Variants in CELSR1 observed in about 807,000 individuals in gnomAD.
CELSR1 encodes cadherin EGF LAG seven-pass G-type receptor 1.
CELSR1 carries 110 observed loss-of-function variants against 249.1 expected under a neutral mutation model. The observed-to-expected ratio is 0.44, with a 90% CI of 0.38 to 0.52. The LOEUF (loss-of-function observed/expected upper bound fraction) is 0.52, where lower values mean the gene tolerates loss of function less well. CELSR1 is among the 20% of genes least tolerant of loss of function. The probability of loss-of-function intolerance (pLI) is 0.00; values close to 1 mark genes in which losing one functional copy is unlikely to be tolerated. For missense variants in CELSR1, 4,109 were observed against 4,296.4 expected, an observed-to-expected ratio of 0.96 and a Z score of 1.22; for synonymous variants, 2,113 against 1,900.0, an observed-to-expected ratio of 1.11 and a Z score of -2.92.
chr22:46,512,445 A>T lies in CELSR1; in HGVS notation c.3544+21182T>A, dbSNP rs1045778369. Among the ~76,000 whole-genome samples the T allele has an allele frequency of 6.6e-6, 1 of 152,118 alleles. No homozygotes were observed. The highest frequency in any genetic ancestry group is 2.4e-5 in the African/African-American group (1 of 41,416). ...AAATTAGCCCGGTGTGGTGGTGTAC[A>T]CCTATAATCCCAGCTACGTAGAAGG... On this transcript the variant is annotated intron_variant, in intron 1 of 34. Transcript: ENST00000674500. The surrounding 1 kb of genome is among the most constrained non-coding windows in gnomAD (Gnocchi z 5.2).
chr22:46,523,789 T>C (rs951013127), intron 1 of CELSR1, among the ~76,000 whole-genome samples: 9 of 152,056 alleles, frequency 5.9e-5, no homozygotes, highest in Admixed American at 4.6e-4. Context: ...ACCAGTGACA[T>C]GCCTGCCTCC....
At position 46,412,205 on chromosome 22, in the gene CELSR1, C is replaced by T. The variant is rs1427214940; in HGVS notation, c.4612-446G>A. Among the ~76,000 whole-genome samples the T allele has an allele frequency of 6.6e-6, 1 of 152,170 alleles. No individual in the cohort carries two copies. The highest frequency in any genetic ancestry group is 1.5e-5 in the Non-Finnish European group (1 of 68,022). On this transcript the variant is annotated intron_variant, in intron 5 of 34. Transcript: ENST00000674500. This position sits in a 1 kb window ranked among gnomAD's most constrained non-coding sequence, Gnocchi z 4.5. ...CTAGGAAAAGGCAGGAAGGGTCCTC[C>T]CCTTCAGCCTTCGGAGGAGGCACGG...
intron 1 of CELSR1, among the ~76,000 whole-genome samples, chr22:46,529,632 G>C (rs1338227890): frequency 6.6e-6 from 1 of 151,678 alleles, no homozygotes; most frequent in Non-Finnish European, 1.5e-5. Flanking sequence ...GTGAAACCTT[G>C]TCTCTAAGAA....
intron 5 of CELSR1, among the ~76,000 whole-genome samples, chr22:46,420,711 CTG>C (rs1437013551): frequency 6.6e-6 from 1 of 152,208 alleles, no homozygotes; most frequent in East Asian, 1.9e-4. Context: ...AGTCCCCTCT[CTG>C]TCCTCGATCT....
rs2079208669 is a variant in CELSR1 at position 46,401,313 on chromosome 22, G to A, written c.5227-1411C>T. 6.6e-6 allele frequency among the ~76,000 whole-genome samples: 1 copy of A among 152,202 alleles called. No homozygotes were observed. Among genetic ancestry groups the A allele is most frequent in the African/African-American group, 2.4e-5 (1 of 41,448 alleles). The stretch of plus-strand genomic sequence containing the variant: ...GAAAATCTTAGATCTCCTAAGAAAG[G>A]ACTTGGCAATTTGGACCACCTCTCC... On this transcript the variant is annotated intron_variant, in intron 9 of 34. Transcript: ENST00000674500. The surrounding 1 kb of genome is among the most constrained non-coding windows in gnomAD (Gnocchi z 4.7).
In CELSR1 at chr22:46,361,656, AC is replaced by A. The variant is rs1397200800; in HGVS notation, c.*1566del. 1.3e-5 allele frequency: 2 copies of A among 152,320 alleles called. No homozygotes were observed. The highest frequency in any genetic ancestry group is 1.3e-4 in the Admixed American group (2 of 15,304). The allele number at this position is 152,320 out of a possible 1,614,324, so 9.4% of individuals were successfully genotyped here. ...CTCCTGTCCTGGACCATTTTCAGAT[AC>A]GCTTTTCCTCTCCCATAGGCATCTG... On this transcript the variant is annotated 3_prime_UTR_variant, in exon 35 of 35. Coordinates refer to ENST00000674500, the MANE Select transcript of CELSR1 (RefSeq NM_001378328.1).
chr22:46,519,933 G>A (rs895291624), intron 1 of CELSR1, among the ~76,000 whole-genome samples: 10 of 150,204 alleles, frequency 6.7e-5, no homozygotes, highest in East Asian at 5.9e-4. Context: ...GTGCAGTGGC[G>A]CAACCTCAGC....
intron 14 of CELSR1, among the ~76,000 whole-genome samples, chr22:46,392,892 G>C (rs1472735169): frequency 6.6e-6 from 1 of 152,160 alleles, no homozygotes. Flanking sequence ...TCGTAGGCAA[G>C]TTTTCGCCAA....
Position 46,534,571 on chromosome 22 carries a change from T to C in CELSR1, c.2600A>G (p.Asn867Ser), listed in dbSNP as rs768332200. Residue 867 changes from asparagine to serine, a missense_variant, in exon 1 of 35, where the codon AAC becomes AGC. This residue lies in a region of CELSR1 where 886 missense variants were observed against 896.5 expected (regional missense o/e 0.99). Transcript: ENST00000674500. This position sits in a 1 kb window ranked among gnomAD's most constrained non-coding sequence, Gnocchi z 9.7. ...GGTGTCTGATTTCTGCGGGATGCCGTTGTCCTGGGCCATGATGGTCAGCGT... is the reference window on the plus strand; with the variant it reads ...GGTGTCTGATTTCTGCGGGATGCCGCTGTCCTGGGCCATGATGGTCAGCGT... The part of the protein sequence containing the change: ...AYTLTIMAQD[N>S]GIPQKSDTTT... The C allele has an allele frequency of 1.9e-6, 3 of 1,613,776 alleles. No homozygotes were observed. In the Admixed American group the frequency reaches 5.0e-5, roughly 27 times the overall value.
At chr22:46,521,899 T>G (rs1013581409) in intron 1 of CELSR1, among the ~76,000 whole-genome samples, 1 of 152,206 alleles carries the variant, frequency 6.6e-6, no homozygotes, top group African/African-American at 2.4e-5. Flanking sequence ...GGTAGTTCTA[T>G]TTTTCATATT....
In CELSR1 at chr22:46,536,957, G is replaced by A. The variant is rs10427790; in HGVS notation, c.214C>T (p.Arg72Trp). ...GAGACGCGCCGACGTCCTGCCAGCC[G>A]CCCATCGCGGCCCACGTCCAGCAGC... ...RELLDVGRDG[R>W]LAGRRRVSGA... is the part of the protein sequence containing the mutation. The change falls in exon 1 of 35, where the codon CGG becomes TGG. Residue 72 changes from arginine to tryptophan, a missense_variant. Coordinates refer to ENST00000674500, the MANE Select transcript of CELSR1 (RefSeq NM_001378328.1). 12,139 of 1,147,962 alleles carry A rather than the reference G, an allele frequency of 0.011. 1,025 individuals carry two copies. In the African/African-American group the frequency reaches 0.18, roughly 17 times the overall value. The allele number at this position is 1,147,962 out of a possible 1,614,324, so 71.1% of individuals were successfully genotyped here. A position where few individuals can be genotyped will look rare whatever the true frequency, so the allele number is the denominator to read the frequency against.
intron 5 of CELSR1, among the ~76,000 whole-genome samples, chr22:46,416,423 C>T (rs2079402585): frequency 6.6e-6 from 1 of 152,286 alleles, no homozygotes; most frequent in Admixed American, 6.5e-5. Flanking sequence ...AAAGGCAATT[C>T]CCAGGCCTCG....
In CELSR1 at chr22:46,395,873, G is replaced by C. The variant is rs908968191; in HGVS notation, c.5843+732C>G. Among the ~76,000 whole-genome samples, 5 of 152,206 alleles carry C rather than the reference G, an allele frequency of 3.3e-5. No individual in the cohort carries two copies. Among genetic ancestry groups the C allele is most frequent in the African/African-American group, 1.2e-4 (5 of 41,450 alleles). The stretch of plus-strand genomic sequence containing the variant: ...CAGCGATCCCCGTGCAAAGGGTACA[G>C]AGCCCAGAGCCCAGAGAGCACGCTG... On this transcript the variant is annotated intron_variant, in intron 13 of 34. Transcript: ENST00000674500. This position sits in a 1 kb window ranked among gnomAD's most constrained non-coding sequence, Gnocchi z 5.5.
chr22:46,402,558 G>A lies in CELSR1; in HGVS notation c.5227-2656C>T, dbSNP rs2079220216. 6.6e-6 allele frequency among the ~76,000 whole-genome samples: 1 copy of A among 152,168 alleles called. No homozygotes were observed. The highest frequency in any genetic ancestry group is 2.4e-5 in the African/African-American group (1 of 41,430). On this transcript the variant is annotated intron_variant, in intron 9 of 34. Coordinates refer to ENST00000674500, the MANE Select transcript of CELSR1 (RefSeq NM_001378328.1). This position sits in a 1 kb window ranked among gnomAD's most constrained non-coding sequence, Gnocchi z 5.0. ...ATGCTCTCTAGTTTTTCAATAAAAT[G>A]TCTAGCACTCAATAAAAAATAGCCA... is the stretch of plus-strand genomic sequence containing the variant.
chr22:46,508,439 A>AT (rs1555933707), intron 1 of CELSR1, among the ~76,000 whole-genome samples: 1 of 36,340 alleles, frequency 2.8e-5, no homozygotes, highest in African/African-American at 7.5e-5. Context: ...TGGCCCCCCC[A>AT]CCCCCGCCCC....
At position 46,367,861 on chromosome 22, in the gene CELSR1, G is replaced by C. The variant is rs751417707; in HGVS notation, c.7953-6C>G. ...ATGCGGTCCTCAGCAGGGAGCTGCG[G>C]GAGGGCAGGATCAGGCCTGTGCCCA... On this transcript the variant is annotated splice_polypyrimidine_tract_variant and splice_region_variant and intron_variant, in intron 27 of 34. Coordinates refer to ENST00000674500, the MANE Select transcript of CELSR1 (RefSeq NM_001378328.1). 2 of 1,607,720 alleles carry C rather than the reference G, an allele frequency of 1.2e-6. No homozygotes were observed. The highest frequency in any genetic ancestry group is 4.5e-5 in the East Asian group (2 of 44,752).
chr22:46,438,158 G>T (rs140808768), intron 3 of CELSR1, among the ~76,000 whole-genome samples: 6 of 152,002 alleles, frequency 3.9e-5, no homozygotes, highest in African/African-American at 1.4e-4. Context: ...GCAAAAAAAA[G>T]GAGAGGCCAG....
At chr22:46,451,181 C>CA (rs947589290) in intron 2 of CELSR1, among the ~76,000 whole-genome samples, 1 of 152,164 alleles carries the variant, frequency 6.6e-6, no homozygotes, top group Non-Finnish European at 1.5e-5. Flanking sequence ...CCTCCTGAGT[C>CA]ACACCTACAG....
At position 46,410,054 on chromosome 22, in the gene CELSR1, C is replaced by T. The variant is rs1388799775; in HGVS notation, c.4934-174G>A. Among the ~76,000 whole-genome samples the T allele has an allele frequency of 3.3e-5, 5 of 152,360 alleles. No individual in the cohort carries two copies. Among genetic ancestry groups the T allele is most frequent in the South Asian group, 4.1e-4 (2 of 4,826 alleles). On this transcript the variant is annotated intron_variant, in intron 7 of 34. Transcript: ENST00000674500. This position sits in a 1 kb window ranked among gnomAD's most constrained non-coding sequence, Gnocchi z 6.8. ...ACATGGGAACTAAGAAGGTGCTGAA[C>T]GCACTGACCACATTTGGAGACGCTG...
Sources: allele counts gnomAD v4.1 joint callset (sites outside exome capture counted in the v4.1 genomes callset), GRCh38; gene constraint gnomAD v4.1.1; regional missense constraint gnomAD v4.1.1; non-coding constraint Gnocchi (gnomAD v3.1); transcripts MANE v1.5; gene names NCBI Gene and HGNC (gene_info 2026-07-23, HGNC 2026-07-21).